VPS45: variants seen among roughly 807,000 people sequenced by gnomAD.
VPS45 encodes the protein vacuolar protein sorting-associated protein 45.
Under a neutral mutation model 75.9 loss-of-function variants are expected in VPS45, and 35 were observed. The observed-to-expected ratio is 0.46, with a 90% confidence interval of 0.35 to 0.61. The LOEUF is 0.61. Ranked by LOEUF, VPS45 falls within the 20% of genes least tolerant of loss-of-function variation. The pLI is 0.00. For missense variants in VPS45, 559 were observed against 685.9 expected, an observed-to-expected ratio of 0.81 and a Z score of 2.07; for synonymous variants, 220 against 238.2, an observed-to-expected ratio of 0.92 and a Z score of 0.70.
chr1:150,075,840 C>A (rs587654737), intron 3 of VPS45, among the ~76,000 whole-genome samples: 5 of 152,102 alleles, frequency 3.3e-5, no homozygotes, highest in African/African-American at 1.2e-4. Flanking sequence ...AGCTCTGCCT[C>A]CTGGGTTCAT....
intron 10 of VPS45, among the ~76,000 whole-genome samples, chr1:150,085,212 G>A (rs1376481953): frequency 3.3e-5 from 5 of 151,926 alleles, no homozygotes; most frequent in African/African-American, 1.2e-4. Context: ...AAACAAAATT[G>A]TGTCCCGTAA....
chr1:150,124,616 C>T (rs184177178), intron 14 of VPS45, among the ~76,000 whole-genome samples: 183 of 148,640 alleles, frequency 1.2e-3, no homozygotes, highest in African/African-American at 4.3e-3. Context: ...GGCACAATCC[C>T]GCCTCACTCC....
rs2279171 is a variant in VPS45, at chr1:150,145,117, C to T, written c.*321C>T. ...AGCCTAGAGGGGCTTAAAAAGTAATCATTTGATGTACATACCACACTCCTT... is the reference window on the plus strand; with the variant it reads ...AGCCTAGAGGGGCTTAAAAAGTAATTATTTGATGTACATACCACACTCCTT... On this transcript the variant is annotated 3_prime_UTR_variant, in exon 15 of 15. Coordinates refer to ENST00000644510, the MANE Select transcript of VPS45 (RefSeq NM_007259.5). The T allele has an allele frequency of 1.2e-3, 692 of 576,714 alleles. 4 individuals carry two copies. In the East Asian group the frequency reaches 0.014, roughly 12 times the overall value. 35.7% of individuals were successfully genotyped at this position (576,714 alleles called of 1,614,324 possible).
intron 13 of VPS45, among the ~76,000 whole-genome samples, chr1:150,106,048 G>A (rs1657308090): frequency 6.6e-6 from 1 of 152,134 alleles, no homozygotes. Context: ...AAATTGGCCA[G>A]CCATATGCAG....
intron 3 of VPS45, among the ~76,000 whole-genome samples, chr1:150,074,779 T>C (rs782760530): frequency 6.6e-6 from 1 of 152,270 alleles, no homozygotes. Flanking sequence ...CAATCTTGTT[T>C]TAGCTATACT....
At chr1:150,094,218 C>T (rs1656498515) in intron 13 of VPS45, among the ~76,000 whole-genome samples, 1 of 152,042 alleles carries the variant, frequency 6.6e-6, no homozygotes, top group Non-Finnish European at 1.5e-5. Context: ...TTAGGCCAAC[C>T]TGAAATTTTA....
At chr1:150,078,670 G>A (rs1571826912) in intron 7 of VPS45, among the ~76,000 whole-genome samples, 1 of 152,074 alleles carries the variant, frequency 6.6e-6, no homozygotes, top group African/African-American at 2.4e-5. Context: ...GCTGAGGCAG[G>A]AGAATCATTT....
chr1:150,109,767 CAG>C (rs1418488914), intron 13 of VPS45: 10 of 152,232 alleles, frequency 6.6e-5, no homozygotes, highest in East Asian at 3.9e-4. Context: ...AAACAGGAAA[CAG>C]AGTAAAACAA....
intron 14 of VPS45, among the ~76,000 whole-genome samples, chr1:150,116,036 A>AT (rs1381143970): frequency 1.3e-5 from 2 of 152,088 alleles, no homozygotes; most frequent in Non-Finnish European, 2.9e-5. Context: ...AATGTTTGTC[A>AT]TTTTTTATCC....
chr1:150,077,363 A>G, intron 6 of VPS45, 132 bp downstream of exon 6: 2 of 1,153,328 alleles, frequency 1.7e-6, no homozygotes, highest in Non-Finnish European at 2.4e-6. Context: ...GAAAAGAGGT[A>G]GGTATATGTA....
At position 150,107,475 on chromosome 1, in the gene VPS45, T is replaced by C. The variant is rs895675375; in HGVS notation, c.1494-3021T>C. 2.0e-5 allele frequency among the ~76,000 whole-genome samples: 3 copies of C among 152,210 alleles called. 1 individual carries two copies. Among genetic ancestry groups the C allele is most frequent in the African/African-American group, 7.2e-5 (3 of 41,432 alleles). On this transcript the variant is annotated intron_variant, in intron 13 of 14. Transcript: ENST00000644510. ...CATCCAGTACCTCCTCTTCACCCTT[T>C]CTGGGATGTCTTTAGTTCTAGGTTT...
At chr1:150,107,253 A>G (rs587657537) in intron 13 of VPS45, among the ~76,000 whole-genome samples, 2 of 152,332 alleles carry the variant, frequency 1.3e-5, no homozygotes, top group South Asian at 4.1e-4. Context: ...GGGCATCTCC[A>G]TTAGAATATT....
intron 13 of VPS45, among the ~76,000 whole-genome samples, chr1:150,108,910 G>A (rs782297198): frequency 2.0e-5 from 3 of 152,124 alleles, no homozygotes; most frequent in Admixed American, 6.6e-5. Flanking sequence ...AACAGACCAC[G>A]GACTGGTATT....
chr1:150,080,179 C>T (rs924216837), intron 7 of VPS45, among the ~76,000 whole-genome samples: 22 of 144,662 alleles, frequency 1.5e-4, no homozygotes, highest in Non-Finnish European at 2.9e-4. Context: ...GAGTTTTGCT[C>T]TTATTGTCCA....
intron 7 of VPS45, 66 bp downstream of exon 7, chr1:150,077,845 G>A (rs1310902025): frequency 1.5e-6 from 2 of 1,312,264 alleles, no homozygotes; most frequent in Admixed American, 3.5e-5. Flanking sequence ...AATACAGATA[G>A]GGAAGTAAAA....
At chr1:150,089,204 A>G (rs189162282) in intron 10 of VPS45, among the ~76,000 whole-genome samples, 1 of 152,156 alleles carries the variant, frequency 6.6e-6, no homozygotes, top group African/African-American at 2.4e-5. Flanking sequence ...AGTTACTTGG[A>G]TTTCTCAGAT....
intron 14 of VPS45, among the ~76,000 whole-genome samples, chr1:150,114,066 T>C (rs1220212861): frequency 6.6e-6 from 1 of 152,226 alleles, no homozygotes. Flanking sequence ...ATTCCCAAAT[T>C]AATCATTATT....
intron 14 of VPS45, 62 bp downstream of exon 14, chr1:150,110,689 C>G: frequency 6.8e-7 from 1 of 1,474,978 alleles, no homozygotes; most frequent in Non-Finnish European, 9.1e-7. Flanking sequence ...GCTTAAATTC[C>G]CTTTATGTTG....
intron 14 of VPS45, among the ~76,000 whole-genome samples, chr1:150,128,503 GGC>G (rs2101642905): frequency 6.6e-6 from 1 of 152,082 alleles, no homozygotes; most frequent in South Asian, 2.1e-4. Context: ...GCTGGTAGGG[GGC>G]TGATTCAATT....
Sources: gnomAD v4.1 joint callset for allele counts (sites outside exome capture counted in the v4.1 genomes callset) on GRCh38, gnomAD v4.1.1 for gene constraint, MANE v1.5 for transcripts, NCBI Gene and HGNC (gene_info 2026-07-23, HGNC 2026-07-21) for gene names.